ST3GAL3: variants seen among roughly 807,000 people sequenced by gnomAD.
ST3GAL3 encodes the protein ST3 beta-galactoside alpha-2,3-sialyltransferase 3.
ST3GAL3 carries 21 observed loss-of-function variants against 50.1 expected under a neutral mutation model. That is an observed-to-expected ratio of 0.42 (90% confidence interval 0.30 to 0.60). ST3GAL3 has a LOEUF of 0.60. Among genes scored for constraint, ST3GAL3 ranks in the 20% least tolerant of loss-of-function variants. ST3GAL3 has a pLI of 0.19. For synonymous variants in ST3GAL3, 183 were observed against 190.0 expected (o/e 0.96, Z 0.30); for missense variants, 353 against 489.4 (o/e 0.72, Z 2.63).
At chr1:43,743,380 G>A (rs1320234408) in intron 2 of ST3GAL3, 2 of 259,482 alleles carry the variant, frequency 7.7e-6, no homozygotes, top group African/African-American at 2.3e-5. Context: ...CATTTGGTGT[G>A]GACATGGTGC....
intron 5 of ST3GAL3, among the ~76,000 whole-genome samples, chr1:43,869,592 C>T (rs1570248002): frequency 6.7e-6 from 1 of 148,798 alleles, no homozygotes; most frequent in Middle Eastern, 3.4e-3. Flanking sequence ...GTATTTTCTT[C>T]AATGGTCATG....
At chr1:43,885,392 A>G (rs1028683103) in intron 5 of ST3GAL3, among the ~76,000 whole-genome samples, 2 of 152,114 alleles carry the variant, frequency 1.3e-5, no homozygotes, top group African/African-American at 4.8e-5. Context: ...CTTCTCACGC[A>G]CTCACACACA....
intron 4 of ST3GAL3, among the ~76,000 whole-genome samples, chr1:43,817,202 A>G (rs2154179113): frequency 6.6e-6 from 1 of 152,370 alleles, no homozygotes; most frequent in East Asian, 1.9e-4. Flanking sequence ...AATGTGGATA[A>G]TAGCACTCCC....
intron 2 of ST3GAL3, among the ~76,000 whole-genome samples, chr1:43,761,950 CAAAAAAAAAAAAAA>C (rs67747915): frequency 2.9e-5 from 2 of 68,880 alleles, no homozygotes; most frequent in Admixed American, 3.5e-4. Context: ...CACTCTGTCT[CAAAAAAAAAAAAAA>C]AAAAAAAAAA....
intron 4 of ST3GAL3, among the ~76,000 whole-genome samples, chr1:43,816,650 A>G (rs2061279514): frequency 6.6e-6 from 1 of 152,244 alleles, no homozygotes; most frequent in African/African-American, 2.4e-5. Flanking sequence ...TGTCTTCAGC[A>G]GTGAAAGGAG....
At chr1:43,785,973 A>G (rs1044013097) in intron 2 of ST3GAL3, among the ~76,000 whole-genome samples, 1 of 152,034 alleles carries the variant, frequency 6.6e-6, no homozygotes, top group Non-Finnish European at 1.5e-5. Flanking sequence ...TGTCTCACTC[A>G]TGTCCCATCA....
intron 2 of ST3GAL3, among the ~76,000 whole-genome samples, chr1:43,771,501 G>A (rs1488781211): frequency 3.9e-5 from 6 of 152,084 alleles, no homozygotes; most frequent in Non-Finnish European, 7.4e-5. Context: ...GGGACTACAG[G>A]CGCCTGCCAC....
chr1:43,928,763 G>T (rs1460493240), intron 11 of ST3GAL3, among the ~76,000 whole-genome samples: 4 of 151,926 alleles, frequency 2.6e-5, no homozygotes, highest in Non-Finnish European at 4.4e-5. Context: ...TACAAAATTA[G>T]CTGGGTGTGG....
chr1:43,881,042 ACT>A (rs1188255446), intron 5 of ST3GAL3, among the ~76,000 whole-genome samples: 1 of 149,286 alleles, frequency 6.7e-6, no homozygotes, highest in Non-Finnish European at 1.5e-5. Context: ...ACGGAGTCTC[ACT>A]CTGTCACCCA....
chr1:43,893,401 C>G (rs926526636), intron 5 of ST3GAL3, among the ~76,000 whole-genome samples: 2 of 152,248 alleles, frequency 1.3e-5, no homozygotes, highest in African/African-American at 4.8e-5. Flanking sequence ...TGATCAGAAA[C>G]TGGCCATCTT....
At chr1:43,821,185 G>A (rs759682125) in intron 4 of ST3GAL3, among the ~76,000 whole-genome samples, 2 of 152,178 alleles carry the variant, frequency 1.3e-5, no homozygotes, top group Non-Finnish European at 2.9e-5. Context: ...GGGAGGAAGC[G>A]AATGAGAACA....
intron 9 of ST3GAL3, among the ~76,000 whole-genome samples, chr1:43,918,119 C>CTCTTTTT (rs56052310): frequency 0.6 from 80,639 of 133,658 alleles, 28,145 homozygotes; most frequent in Non-Finnish European, 0.77. Context: ...TTTTCTTTCT[C>CTCTTTTT]TTTTTTTTTT....
chr1:43,725,961 T>G lies in ST3GAL3; in HGVS notation c.-30-10272T>G, dbSNP rs146822955. Among the ~76,000 whole-genome samples the G allele has an allele frequency of 1.0e-3, 158 of 152,310 alleles. 1 individual carries two copies. The highest frequency in any genetic ancestry group is 3.4e-3 in the Middle Eastern group (1 of 294). On this transcript the variant is annotated intron_variant, in intron 1 of 11. Transcript: ENST00000347631. The stretch of plus-strand genomic sequence containing the variant: ...CACCCAGCCTCACGTTTTATTTTTC[T>G]CATTTAGTACGATACCAAAAGCATT...
chr1:43,833,830 A>G (rs2063876648), intron 4 of ST3GAL3, among the ~76,000 whole-genome samples: 1 of 152,162 alleles, frequency 6.6e-6, no homozygotes, highest in African/African-American at 2.4e-5. Context: ...TATCATGGAA[A>G]GTTCGCAAGG....
chr1:43,714,432 CAAAAA>C (rs35400929), intron 1 of ST3GAL3, among the ~76,000 whole-genome samples: 24 of 73,714 alleles, frequency 3.3e-4, no homozygotes, highest in Admixed American at 5.2e-4. Context: ...TACTAAAATA[CAAAAA>C]AAAAAAAAAA....
At chr1:43,876,259 C>T (rs1248965600) in intron 5 of ST3GAL3, among the ~76,000 whole-genome samples, 1 of 152,098 alleles carries the variant, frequency 6.6e-6, no homozygotes, top group African/African-American at 2.4e-5. Context: ...CCACTGCGCC[C>T]AGCTTAGAAT....
intron 3 of ST3GAL3, among the ~76,000 whole-genome samples, chr1:43,807,155 G>A (rs1485554060): frequency 6.6e-6 from 1 of 152,102 alleles, no homozygotes; most frequent in Non-Finnish European, 1.5e-5. Flanking sequence ...GGTGGCTCAC[G>A]CCTGTAATCT....
intron 9 of ST3GAL3, among the ~76,000 whole-genome samples, chr1:43,904,914 T>C (rs1571097068): frequency 3.2e-5 from 3 of 92,726 alleles, no homozygotes; most frequent in African/African-American, 4.2e-5. Context: ...CTCCTGCTCC[T>C]CTTCCCGCCA....
chr1:43,852,486 G>A (rs1558581530), intron 5 of ST3GAL3, among the ~76,000 whole-genome samples: 1 of 152,144 alleles, frequency 6.6e-6, no homozygotes. Context: ...TTCTCCCATA[G>A]AGACTGTGAA....
Sources: gnomAD v4.1 joint callset for allele counts (sites outside exome capture counted in the v4.1 genomes callset) on GRCh38, gnomAD v4.1.1 for gene constraint, MANE v1.5 for transcripts, NCBI Gene and HGNC (gene_info 2026-07-23, HGNC 2026-07-21) for gene names.